The following HABP2 variants were observed in gnomAD, a reference collection of about 807,000 sequenced individuals.
HABP2 encodes factor VII-activating protease.
A neutral mutation model predicts 66.5 loss-of-function variants in HABP2; 65 were observed. The observed-to-expected ratio is 0.98, with a 90% confidence interval of 0.80 to 1.20. The LOEUF (loss-of-function observed/expected upper bound fraction) is 1.20, where lower values mean the gene tolerates loss of function less well. Among genes scored for constraint, HABP2 ranks in the 50% most tolerant of loss-of-function variants. HABP2 has a pLI of 0.00. For synonymous variants in HABP2, 263 were observed against 253.9 expected (o/e 1.04, Z -0.34); for missense variants, 786 against 691.0 (o/e 1.14, Z -1.54).
intron 1 of HABP2, among the ~76,000 whole-genome samples, chr10:113,566,321 T>C (rs1243504321): frequency 2.0e-5 from 3 of 152,260 alleles, no homozygotes; most frequent in African/African-American, 7.2e-5. Flanking sequence ...AATAAAACTT[T>C]ATTTACAAAA....
upstream of HABP2, chr10:113,552,924 CCA>C (rs1844922879): frequency 1.9e-6 from 1 of 524,524 alleles, no homozygotes; most frequent in Non-Finnish European, 3.4e-6. Flanking sequence ...CAGCCCAGCC[CCA>C]AAGTTGCCAT....
chr10:113,581,162 C>A (rs1293075799), intron 8 of HABP2, among the ~76,000 whole-genome samples: 1 of 152,206 alleles, frequency 6.6e-6, no homozygotes, highest in Non-Finnish European at 1.5e-5. Context: ...GATTCCTTCC[C>A]TGAGCAGTTT....
Position 113,588,253 on chromosome 10 carries a change from G to A in HABP2, c.1567G>A (p.Val523Ile), listed in dbSNP as rs374241151. Residue 523 changes from valine to isoleucine, a missense_variant, in exon 13 of 13, where the codon GTC becomes ATC. Val to Ile is a conservative substitution (Grantham distance 29, BLOSUM62 3). Coordinates refer to ENST00000351270, the MANE Select transcript of HABP2 (RefSeq NM_004132.5). ...CTGTGAGAAGGACGGCACCTACTAC[G>A]TCTATGGGATAGTGAGCTGGGGCCT... Reference protein sequence around the residue: ...LTCEKDGTYYVYGIVSWGLEC... With the variant: ...LTCEKDGTYYIYGIVSWGLEC... The A allele has an allele frequency of 4.6e-5, 74 of 1,613,504 alleles. No homozygotes were observed. The highest frequency in any genetic ancestry group is 5.6e-5 in the Non-Finnish European group (66 of 1,179,742).
rs1489838368 is a variant in HABP2, at chr10:113,553,170, G to A, written c.49G>A (p.Val17Met). The A allele has an allele frequency of 1.2e-6, 2 of 1,612,984 alleles. No individual in the cohort carries two copies. The highest frequency in any genetic ancestry group is 1.7e-5 in the Admixed American group (1 of 60,030). ...CCATGTTCTGCTGTTAATGGCTCTGGTGGGAAAGACAGCCTGTGGGGTAAG... is the reference window on the plus strand; with the variant it reads ...CCATGTTCTGCTGTTAATGGCTCTGATGGGAAAGACAGCCTGTGGGGTAAG... ...DLHVLLLMAL[V>M]GKTACGFSLM... The change falls in exon 1 of 13, where the codon GTG becomes ATG. Residue 17 changes from valine (V) to methionine (M), a missense_variant. Val to Met is a conservative substitution (Grantham distance 21). Coordinates refer to ENST00000351270, the MANE Select transcript of HABP2 (RefSeq NM_004132.5).
chr10:113,585,209 A>G (rs950465581), intron 11 of HABP2, among the ~76,000 whole-genome samples: 11 of 152,170 alleles, frequency 7.2e-5, no homozygotes, highest in African/African-American at 2.7e-4. Flanking sequence ...GTCAACCTCT[A>G]TTCTGCTCAA....
In HABP2 at chr10:113,575,938, C is replaced by T. The variant is rs1382202502; in HGVS notation, c.265C>T (p.Leu89Phe). The T allele has an allele frequency of 6.2e-7, 1 of 1,612,428 alleles. No homozygotes were observed. The highest frequency in any genetic ancestry group is 8.5e-7 in the Non-Finnish European group (1 of 1,178,444). ...CCCCTGTGAACACGGTGGGGACTGC[C>T]TCGTCCATGGGAGCACCTTCACATG... ...PNPCEHGGDC[L>F]VHGSTFTCSC... Residue 89 changes from leucine (L) to phenylalanine (F), a missense_variant, in exon 4 of 13, where the codon CTC becomes TTC. Physicochemically the swap from Leu to Phe is conservative, Grantham distance 22 (BLOSUM62 0). Coordinates refer to ENST00000351270, the MANE Select transcript of HABP2 (RefSeq NM_004132.5).
chr10:113,588,934 A>G lies in HABP2; in HGVS notation c.*565A>G, dbSNP rs138944153. 4.2e-4 allele frequency: 637 copies of G among 1,529,778 alleles called. 5 individuals carry two copies. The African/African-American group carries it at 7.9e-3, about 19-fold the overall frequency. The allele number at this position is 1,529,778 out of a possible 1,614,324, so 94.8% of individuals were successfully genotyped here. A position where few individuals can be genotyped will look rare whatever the true frequency, so the allele number is the denominator to read the frequency against. ...ATCTGAAGCCTGTCTCTGGTGAACA[A>G]ACTTCCTCTCTGGCCTCTCAGGAAT... On this transcript the variant is annotated 3_prime_UTR_variant, in exon 13 of 13. Transcript: ENST00000351270.
rs529697510 is a variant in HABP2, at chr10:113,575,841, G to C, written c.224-56G>C. Reference sequence around the variant, plus strand: ...GAAATTTGATGAAAAATTTGGAGGGGGGCGCTTCTCACCTGCCTTTCCTTA... The same window carrying C: ...GAAATTTGATGAAAAATTTGGAGGGCGGCGCTTCTCACCTGCCTTTCCTTA... On this transcript the variant is annotated intron_variant, in intron 3 of 12. Coordinates refer to ENST00000351270, the MANE Select transcript of HABP2 (RefSeq NM_004132.5). The C allele has an allele frequency of 1.5e-4, 142 of 942,546 alleles. 3 individuals carry two copies. In the South Asian group the frequency reaches 1.6e-3, roughly 11 times the overall value. 58.4% of individuals were successfully genotyped at this position (942,546 alleles called of 1,614,324 possible). A position where few individuals can be genotyped will look rare whatever the true frequency, so the allele number is the denominator to read the frequency against.
Position 113,585,487 on chromosome 10 carries a change from G to T in HABP2, c.1373-306G>T, listed in dbSNP as rs138142884. 3.6e-3 allele frequency among the ~76,000 whole-genome samples: 544 copies of T among 152,278 alleles called. 3 individuals are homozygous for T. Among genetic ancestry groups the T allele is most frequent in the Admixed American group, 5.4e-3 (82 of 15,298 alleles). ...CACTAAGAATTGTGCCAGCCCTTTT[G>T]TTAGGCCTTGGGAATTTTAAAATGG... is the stretch of plus-strand genomic sequence containing the variant. On this transcript the variant is annotated intron_variant, in intron 11 of 12. Transcript: ENST00000351270.
At chr10:113,578,498 G>T (rs139018190) in intron 6 of HABP2, 129 bp from the exon 7 acceptor site, 18 of 680,424 alleles carry the variant, frequency 2.6e-5, no homozygotes, top group Non-Finnish European at 4.4e-5. Flanking sequence ...TCTGAAATTC[G>T]TGGTGAAATC....
chr10:113,567,346 C>T, intron 1 of HABP2, 143 bp from the exon 2 acceptor site: 3 of 694,322 alleles, frequency 4.3e-6, no homozygotes, highest in Admixed American at 2.1e-5. Flanking sequence ...TTGCCCCTCC[C>T]TTCAACCTCT....
intron 6 of HABP2, 79 bp downstream of exon 6, chr10:113,578,224 T>C (rs148113667): frequency 2.6e-5 from 39 of 1,500,156 alleles, no homozygotes; most frequent in Non-Finnish European, 3.6e-5. Context: ...TGCCAGAATG[T>C]GGTTCAAATC....
intron 2 of HABP2, among the ~76,000 whole-genome samples, chr10:113,573,091 C>T (rs7101144): frequency 0.37 from 56,730 of 152,042 alleles, 11,426 homozygotes; most frequent in South Asian, 0.47. Flanking sequence ...CATTTGCTCG[C>T]GCCTCATTAT....
chr10:113,578,382 C>T (rs1211899729), intron 6 of HABP2, among the ~76,000 whole-genome samples: 2 of 152,230 alleles, frequency 1.3e-5, no homozygotes, highest in Non-Finnish European at 2.9e-5. Flanking sequence ...CACCTTCCAT[C>T]AGTTCTTGTG....
At chr10:113,560,159 G>A (rs1275836515) in intron 1 of HABP2, among the ~76,000 whole-genome samples, 1 of 152,198 alleles carries the variant, frequency 6.6e-6, no homozygotes. Flanking sequence ...ATTCTCCCTT[G>A]AGAGTTTTGC....
chr10:113,555,332 G>C (rs753184787), intron 1 of HABP2, among the ~76,000 whole-genome samples: 24 of 152,176 alleles, frequency 1.6e-4, no homozygotes, highest in African/African-American at 5.8e-4. Context: ...CCAGTCTCCT[G>C]TCTGGGGCCC....
At chr10:113,567,898 C>T (rs1036073928) in intron 2 of HABP2, among the ~76,000 whole-genome samples, 5 of 152,234 alleles carry the variant, frequency 3.3e-5, no homozygotes, top group Non-Finnish European at 7.3e-5. Context: ...ATGAAAAATG[C>T]ATGGCTCCAG....
intron 2 of HABP2, among the ~76,000 whole-genome samples, chr10:113,568,166 T>G (rs1355658884): frequency 1.3e-5 from 2 of 152,252 alleles, no homozygotes; most frequent in African/African-American, 4.8e-5. Flanking sequence ...GGGCCACCCC[T>G]TCCACATCAT....
chr10:113,576,360 C>T (rs1845409143), intron 4 of HABP2, among the ~76,000 whole-genome samples: 1 of 152,152 alleles, frequency 6.6e-6, no homozygotes. Flanking sequence ...TCTCAGGGCA[C>T]ATGAGACCCA....
Sources: allele counts gnomAD v4.1 joint callset (sites outside exome capture counted in the v4.1 genomes callset), GRCh38; gene constraint gnomAD v4.1.1; transcripts MANE v1.5; gene names NCBI Gene and HGNC (gene_info 2026-07-23, HGNC 2026-07-21).